TRPC4: variants seen among roughly 807,000 people sequenced by gnomAD.
TRPC4 encodes short transient receptor potential channel 4.
In TRPC4, 49 loss-of-function variants were observed where a neutral mutation model predicts 99.4. The ratio of observed to expected loss-of-function variants is 0.49; its 90% confidence interval spans 0.39 to 0.63. The LOEUF (loss-of-function observed/expected upper bound fraction) is 0.63. TRPC4 is among the 20% of genes least tolerant of loss of function. The pLI is 0.00. For missense variants in TRPC4, 898 were observed against 1,152.9 expected (o/e 0.78, Z 3.20); for synonymous variants, 454 against 425.9 (o/e 1.07, Z -0.81).
chr13:37,783,245 G>A lies in TRPC4; in HGVS notation c.89C>T (p.Ser30Leu), dbSNP rs145847458. 7 of 1,613,494 alleles carry A rather than the reference G, an allele frequency of 4.3e-6. No individual in the cohort carries two copies. The highest frequency in any genetic ancestry group is 1.3e-5 in the African/African-American group (1 of 74,886). Residue 30 changes from serine (S) to leucine (L), a missense_variant, in exon 2 of 11, where the codon TCG becomes TTG. Ser to Leu is a moderately radical substitution (Grantham distance 145). Transcript: ENST00000379705. ...LRIVRAESEL[S>L]PSEKAYLNAV... ...ATTCAAGTAGGCTTTTTCTGATGGC[G>A]AGAGTTCTGATTCTGCTCTTACTAT...
At chr13:37,790,252 A>G in intron 1 of TRPC4, among the ~76,000 whole-genome samples, 1 of 152,168 alleles carries the variant, frequency 6.6e-6, no homozygotes, top group East Asian at 1.9e-4. Flanking sequence ...ATGACCAACA[A>G]CTTTAATAGT....
At chr13:37,797,146 C>G (rs892759862) in intron 1 of TRPC4, among the ~76,000 whole-genome samples, 1 of 151,472 alleles carries the variant, frequency 6.6e-6, no homozygotes, top group Non-Finnish European at 1.5e-5. Context: ...TACCACTGCA[C>G]TCCAGCCTGG....
chr13:37,799,175 C>A (rs1278710250), intron 1 of TRPC4, among the ~76,000 whole-genome samples: 2 of 152,024 alleles, frequency 1.3e-5, no homozygotes, highest in Non-Finnish European at 2.9e-5. Context: ...ACCTCATGAT[C>A]CACCCACCTT....
At chr13:37,716,498 C>T (rs1235352644) in intron 3 of TRPC4, among the ~76,000 whole-genome samples, 4 of 152,130 alleles carry the variant, frequency 2.6e-5, no homozygotes, top group African/African-American at 9.7e-5. Context: ...CTTTGAGTAT[C>T]TAGTCAAGTT....
intron 3 of TRPC4, among the ~76,000 whole-genome samples, chr13:37,727,264 G>A (rs1165972943): frequency 6.6e-6 from 1 of 151,950 alleles, no homozygotes; most frequent in Non-Finnish European, 1.5e-5. Context: ...GAAGTTGGAA[G>A]TCAATATGAA....
intron 4 of TRPC4, among the ~76,000 whole-genome samples, chr13:37,683,461 C>G (rs1953330546): frequency 6.6e-6 from 1 of 152,096 alleles, no homozygotes; most frequent in African/African-American, 2.4e-5. Context: ...GGTTCCAGGA[C>G]CTCGTTAGGG....
chr13:37,786,676 T>C (rs2139367276), intron 1 of TRPC4, among the ~76,000 whole-genome samples: 1 of 152,184 alleles, frequency 6.6e-6, no homozygotes, highest in African/African-American at 2.4e-5. Context: ...TTGCTCCTGG[T>C]CCTCCACTTT....
At chr13:37,687,184 C>T (rs570476553) in intron 4 of TRPC4, among the ~76,000 whole-genome samples, 7 of 152,012 alleles carry the variant, frequency 4.6e-5, no homozygotes, top group Non-Finnish European at 2.9e-5. Context: ...AGTATGGTCT[C>T]GAACCCCTGA....
At chr13:37,672,948 T>C (rs1436481756) in intron 5 of TRPC4, among the ~76,000 whole-genome samples, 1 of 151,980 alleles carries the variant, frequency 6.6e-6, no homozygotes, top group Non-Finnish European at 1.5e-5. Flanking sequence ...CTTCAGACAA[T>C]TTTTTTTATT....
chr13:37,658,056 T>C (rs188004628), intron 6 of TRPC4, among the ~76,000 whole-genome samples: 94 of 152,300 alleles, frequency 6.2e-4, no homozygotes, highest in Non-Finnish European at 5.0e-4. Flanking sequence ...GCCACTGCTT[T>C]CAGAAATGTT....
chr13:37,674,198 T>A, intron 5 of TRPC4, 30 bp downstream of exon 5: 1 of 1,548,444 alleles, frequency 6.5e-7, no homozygotes, highest in Non-Finnish European at 8.7e-7. Context: ...TCAGAACATA[T>A]GCTTTACCAA....
At chr13:37,821,893 C>G (rs1388741885) in intron 1 of TRPC4, among the ~76,000 whole-genome samples, 1 of 151,970 alleles carries the variant, frequency 6.6e-6, no homozygotes, top group African/African-American at 2.4e-5. Flanking sequence ...ATTCCAGACA[C>G]AGGCCCTGGC....
intron 1 of TRPC4, among the ~76,000 whole-genome samples, chr13:37,815,539 T>C (rs753324231): frequency 6.6e-5 from 10 of 151,792 alleles, no homozygotes; most frequent in Non-Finnish European, 1.2e-4. Context: ...TACATGATAG[T>C]AAAGGATGTA....
intron 2 of TRPC4, among the ~76,000 whole-genome samples, chr13:37,770,842 A>G (rs1480667623): frequency 1.3e-5 from 2 of 151,666 alleles, no homozygotes; most frequent in Admixed American, 6.6e-5. Flanking sequence ...TCTGCAATGG[A>G]CTATCCGCCT....
intron 2 of TRPC4, among the ~76,000 whole-genome samples, chr13:37,779,411 A>G (rs1418959460): frequency 6.6e-6 from 1 of 150,428 alleles, no homozygotes; most frequent in African/African-American, 2.5e-5. Context: ...ATAAGCTATT[A>G]CTCTTCTCAT....
At chr13:37,717,930 T>C (rs1023167181) in intron 3 of TRPC4, among the ~76,000 whole-genome samples, 2 of 152,074 alleles carry the variant, frequency 1.3e-5, no homozygotes, top group Non-Finnish European at 2.9e-5. Context: ...CAGTAAAAAC[T>C]TGGAAGAAAG....
chr13:37,699,797 A>T (rs1299049273), intron 3 of TRPC4, among the ~76,000 whole-genome samples: 1 of 152,202 alleles, frequency 6.6e-6, no homozygotes, highest in African/African-American at 2.4e-5. Flanking sequence ...ACAATAACTA[A>T]ATTTCATATG....
chr13:37,777,328 GA>G (rs982668682), intron 2 of TRPC4, among the ~76,000 whole-genome samples: 1 of 151,914 alleles, frequency 6.6e-6, no homozygotes, highest in African/African-American at 2.4e-5. Context: ...GCAGAAGAGT[GA>G]AGGGGAAGCA....
chr13:37,788,561 C>T (rs1957028907), intron 1 of TRPC4, among the ~76,000 whole-genome samples: 1 of 150,972 alleles, frequency 6.6e-6, no homozygotes. Flanking sequence ...CTTGGGCTCC[C>T]TGCCAGTCTT....
Sources: gnomAD v4.1 joint callset for allele counts (sites outside exome capture counted in the v4.1 genomes callset) on GRCh38, gnomAD v4.1.1 for gene constraint, MANE v1.5 for transcripts, NCBI Gene and HGNC (gene_info 2026-07-23, HGNC 2026-07-21) for gene names.